EYS: variants seen among roughly 807,000 people sequenced by gnomAD.
EYS encodes the protein EGF-like photoreceptor maintenance factor, also known as protein eyes shut homolog.
Under a neutral mutation model 282.1 loss-of-function variants are expected in EYS, and 250 were observed. That is an observed-to-expected ratio of 0.89 (90% confidence interval 0.80 to 0.98). EYS has a LOEUF of 0.98. Among genes scored for constraint, EYS ranks in the 50% least tolerant of loss-of-function variants. EYS has a pLI of 0.00. For missense variants in EYS, 4,016 were observed against 3,709.0 expected, an observed-to-expected ratio of 1.08 and a Z score of -2.15; for synonymous variants, 1,355 against 1,282.9, an observed-to-expected ratio of 1.06 and a Z score of -1.20.
At chr6:65,410,533 C>T (rs1371273508) in intron 5 of EYS, among the ~76,000 whole-genome samples, 2 of 151,768 alleles carry the variant, frequency 1.3e-5, no homozygotes, top group African/African-American at 2.4e-5. Flanking sequence ...AAACCTCTAC[C>T]CATTTTCCCT....
intron 26 of EYS, among the ~76,000 whole-genome samples, chr6:64,548,379 G>C (rs900446578): frequency 1.3e-5 from 2 of 152,148 alleles, no homozygotes; most frequent in Admixed American, 1.3e-4. Flanking sequence ...ACATGAAAAC[G>C]TATGTTTATT....
intron 26 of EYS, among the ~76,000 whole-genome samples, chr6:64,534,286 AC>A (rs1170981304): frequency 1.0e-3 from 154 of 151,806 alleles, no homozygotes; most frequent in African/African-American, 3.6e-3. Context: ...TAGCTACTAA[AC>A]TTTTTTTTTA....
chr6:64,803,378 T>TG (rs1562200214), intron 22 of EYS, among the ~76,000 whole-genome samples: 1 of 145,202 alleles, frequency 6.9e-6, no homozygotes, highest in African/African-American at 2.6e-5. Flanking sequence ...AAGGTGTGTG[T>TG]GTGGGGGGGT....
intron 35 of EYS, among the ~76,000 whole-genome samples, chr6:63,913,947 C>A (rs1302562140): frequency 1.3e-5 from 2 of 152,058 alleles, no homozygotes; most frequent in Non-Finnish European, 2.9e-5. Flanking sequence ...TTTGGTAATT[C>A]TGGTAATATT....
chr6:65,064,238 A>G (rs1773668204), intron 12 of EYS, among the ~76,000 whole-genome samples: 2 of 137,966 alleles, frequency 1.4e-5, no homozygotes, highest in African/African-American at 2.8e-5. Flanking sequence ...TGATATATAT[A>G]TGATATATAT....
At chr6:65,625,868 T>C (rs550477868) in intron 2 of EYS, among the ~76,000 whole-genome samples, 3 of 152,354 alleles carry the variant, frequency 2.0e-5, no homozygotes, top group African/African-American at 7.2e-5. Context: ...CAATTGTCTA[T>C]CTAAAATTGC....
At chr6:65,103,978 T>G (rs1480170202) in intron 12 of EYS, among the ~76,000 whole-genome samples, 1 of 151,352 alleles carries the variant, frequency 6.6e-6, no homozygotes, top group Non-Finnish European at 1.5e-5. Context: ...TGTCCAGAAA[T>G]TTTAAGTATC....
intron 29 of EYS, 69 bp downstream of exon 29, chr6:64,388,621 A>T: frequency 7.4e-7 from 1 of 1,343,856 alleles, no homozygotes; most frequent in Non-Finnish European, 9.8e-7. Flanking sequence ...TTTCTTTTTC[A>T]TTTATCAATA....
intron 22 of EYS, among the ~76,000 whole-genome samples, chr6:64,673,535 T>C (rs1036922667): frequency 5.9e-5 from 9 of 152,132 alleles, no homozygotes; most frequent in Non-Finnish European, 1.2e-4. Context: ...TAAAAGTCAC[T>C]GTCTAGTTAT....
intron 19 of EYS, among the ~76,000 whole-genome samples, chr6:64,841,047 T>A (rs930663567): frequency 2.0e-5 from 3 of 151,384 alleles, no homozygotes; most frequent in Non-Finnish European, 3.0e-5. Flanking sequence ...GCTTTTTAAA[T>A]ATTTTTTTCT....
At chr6:65,159,078 T>C (rs1764792511) in intron 12 of EYS, among the ~76,000 whole-genome samples, 1 of 150,914 alleles carries the variant, frequency 6.6e-6, no homozygotes, top group Non-Finnish European at 1.5e-5. Context: ...TATCTTGCTC[T>C]TTTGGGATCT....
Position 64,626,167 on chromosome 6 carries a change from T to C in EYS, c.3522A>G (p.Ala1174=), listed in dbSNP as rs1292114239. Residue 1174 remains alanine (A), a synonymous_variant, in exon 23 of 43, where the codon GCA becomes GCG. Transcript: ENST00000503581. ...ECSSSPCLHG[A]DCEDHINGYV... is the part of the protein sequence containing the mutation. ...ATCCATTGATGTGATCTTCACAGTC[T>C]GCACCATGTAGACATGGTGATGAAG... The C allele has an allele frequency of 6.5e-7, 1 of 1,546,104 alleles. No individual in the cohort carries two copies. Among genetic ancestry groups the C allele is most frequent in the East Asian group, 2.4e-5 (1 of 40,842 alleles).
intron 36 of EYS, among the ~76,000 whole-genome samples, chr6:63,862,433 A>G (rs1324998246): frequency 6.6e-6 from 1 of 151,992 alleles, no homozygotes; most frequent in Non-Finnish European, 1.5e-5. Flanking sequence ...AAAAAAAAAA[A>G]TTTACACTGA....
chr6:63,916,569 C>A (rs2149741045), intron 35 of EYS, among the ~76,000 whole-genome samples: 1 of 152,030 alleles, frequency 6.6e-6, no homozygotes, highest in East Asian at 1.9e-4. Flanking sequence ...GATGATTTGT[C>A]TTTTCATTGT....
chr6:64,878,854 A>T (rs918922491), intron 19 of EYS, among the ~76,000 whole-genome samples: 2 of 151,984 alleles, frequency 1.3e-5, no homozygotes, highest in Admixed American at 1.3e-4. Flanking sequence ...CTCTTCAGCT[A>T]ATGTCATGCC....
intron 31 of EYS, among the ~76,000 whole-genome samples, chr6:64,227,075 C>T (rs1766272662): frequency 6.6e-6 from 1 of 151,924 alleles, no homozygotes; most frequent in Non-Finnish European, 1.5e-5. Flanking sequence ...GATGTCTACG[C>T]AATTATATAT....
chr6:64,027,197 A>G (rs1769561803), intron 33 of EYS, among the ~76,000 whole-genome samples: 1 of 152,176 alleles, frequency 6.6e-6, no homozygotes, highest in Admixed American at 6.5e-5. Flanking sequence ...TGGAGTCATA[A>G]ACATCTGTTG....
chr6:63,843,477 G>C lies in EYS; in HGVS notation c.7228+20709C>G, dbSNP rs147326586. On this transcript the variant is annotated intron_variant, in intron 36 of 42. Transcript: ENST00000503581. Reference sequence around the variant, plus strand: ...TACATCCTGAGACTTTGCTGAAGTTGCTTATCAGCTTACAGAGTTTTGGGG... The same window carrying C: ...TACATCCTGAGACTTTGCTGAAGTTCCTTATCAGCTTACAGAGTTTTGGGG... Among the ~76,000 whole-genome samples the C allele has an allele frequency of 4.6e-3, 699 of 152,250 alleles. 6 individuals carry two copies. Among genetic ancestry groups the C allele is most frequent in the African/African-American group, 0.016 (671 of 41,528 alleles).
intron 30 of EYS, among the ~76,000 whole-genome samples, chr6:64,290,834 T>A (rs1768678316): frequency 6.6e-6 from 1 of 151,242 alleles, no homozygotes; most frequent in Non-Finnish European, 1.5e-5. Flanking sequence ...ACAAACTTTT[T>A]CCATAAAGAG....
Sources: allele counts gnomAD v4.1 joint callset (sites outside exome capture counted in the v4.1 genomes callset), GRCh38; gene constraint gnomAD v4.1.1; transcripts MANE v1.5; gene names NCBI Gene and HGNC (gene_info 2026-07-23, HGNC 2026-07-21).